TRPV5: variants seen among roughly 807,000 people sequenced by gnomAD.
The protein encoded by TRPV5 is calcium transport protein 2.
In TRPV5, 66 loss-of-function variants were observed where a neutral mutation model predicts 74.1. The observed-to-expected ratio is 0.89, with a 90% CI of 0.73 to 1.09. The LOEUF (loss-of-function observed/expected upper bound fraction) is 1.09, where lower values mean the gene tolerates loss of function less well. TRPV5 is among the 50% of genes least tolerant of loss of function. The pLI, the probability that TRPV5 is intolerant of heterozygous loss-of-function variation, is 0.00. For missense variants in TRPV5, 936 were observed against 930.4 expected, an observed-to-expected ratio of 1.01 and a Z score of -0.08; for synonymous variants, 399 against 360.7, an observed-to-expected ratio of 1.11 and a Z score of -1.20.
chr7:142,927,951 C>T, intron 7 of TRPV5, 137 bp downstream of exon 7: 1 of 1,049,892 alleles, frequency 9.5e-7, no homozygotes, highest in Non-Finnish European at 1.4e-6. Context: ...TCCCCCATGT[C>T]CCAGGAGACT....
chr7:142,931,044 A>T, intron 1 of TRPV5, among the ~76,000 whole-genome samples: 1 of 102,844 alleles, frequency 9.7e-6, no homozygotes, highest in Non-Finnish European at 1.9e-5. Flanking sequence ...TTTTTTTGAG[A>T]CAGAGTCTTG....
At position 142,921,028 on chromosome 7, in the gene TRPV5, G is replaced by T. The variant is rs76239382; in HGVS notation, c.1122+4501C>A. On this transcript the variant is annotated intron_variant, in intron 8 of 14. Coordinates refer to ENST00000265310, the MANE Select transcript of TRPV5 (RefSeq NM_019841.7). ...TGCTGTGCTTGTTCCACCATGAGTT[G>T]GTTAGGACCCCTCAACAAAGTTGTA... Among the ~76,000 whole-genome samples, 570 of 152,232 alleles carry T rather than the reference G, an allele frequency of 3.7e-3. 3 individuals are homozygous for T. Among genetic ancestry groups the T allele is most frequent in the African/African-American group, 0.013 (554 of 41,520 alleles).
chr7:142,930,234 G>A lies in TRPV5; in HGVS notation c.227-54C>T. The A allele has an allele frequency of 1.1e-5, 18 of 1,607,416 alleles. 1 individual carries two copies. The South Asian group carries it at 1.9e-4, about 17-fold the overall frequency. ...ACACTTTTCAGATTCCCTTGAGGAA[G>A]GGGCCTCAGGCTCCAGAGACACCCT... On this transcript the variant is annotated intron_variant, in intron 2 of 14. Coordinates refer to ENST00000265310, the MANE Select transcript of TRPV5 (RefSeq NM_019841.7).
intron 8 of TRPV5, among the ~76,000 whole-genome samples, chr7:142,919,790 G>A (rs994139720): frequency 2.6e-5 from 4 of 152,126 alleles, no homozygotes; most frequent in African/African-American, 9.7e-5. Flanking sequence ...CAGTGCCTGG[G>A]GCACTACTGG....
intron 13 of TRPV5, among the ~76,000 whole-genome samples, chr7:142,911,832 T>C (rs936854668): frequency 1.7e-4 from 26 of 152,182 alleles, no homozygotes; most frequent in Non-Finnish European, 1.6e-4. Flanking sequence ...ATGTGTTCTG[T>C]GATATATGAG....
At chr7:142,913,735 G>A (rs868161445) in intron 12 of TRPV5, among the ~76,000 whole-genome samples, 2 of 152,244 alleles carry the variant, frequency 1.3e-5, no homozygotes, top group Non-Finnish European at 1.5e-5. Flanking sequence ...CCCATTGAAC[G>A]GGAAATCCCT....
Position 142,933,384 on chromosome 7 carries a change from C to G in TRPV5, c.76G>C (p.Glu26Gln). 19 of 1,614,158 alleles carry G rather than the reference C, an allele frequency of 1.2e-5. No individual in the cohort carries two copies. The highest frequency in any genetic ancestry group is 1.6e-5 in the Non-Finnish European group (19 of 1,180,042). ...QKLLPSFLVR[E>Q]QDWDQHLDKL... ...TCCAGGTGCTGGTCCCAGTCTTGTT[C>G]TCTGACCAGAAAGGAGGGCAGAAGT... is the stretch of plus-strand genomic sequence containing the variant. Residue 26 changes from glutamate (E) to glutamine (Q), a missense_variant, in exon 1 of 15, where the codon GAA becomes CAA. Transcript: ENST00000265310.
chr7:142,924,341 TATATATATATAGA>T, intron 8 of TRPV5, among the ~76,000 whole-genome samples: 1 of 12,798 alleles, frequency 7.8e-5, no homozygotes, highest in South Asian at 2.0e-3. Flanking sequence ...TATATACATA[TATATATATATAGA>T]CATATACATG....
chr7:142,930,238 C>T, intron 2 of TRPV5, 58 bp from the exon 3 acceptor site: 2 of 1,607,606 alleles, frequency 1.2e-6, no homozygotes, highest in Non-Finnish European at 8.5e-7. Context: ...GAGGAAGGGG[C>T]CTCAGGCTCC....
rs774386776 is a variant in TRPV5, at chr7:142,925,639, G to A, written c.1012C>T (p.Leu338Phe). The stretch of plus-strand genomic sequence containing the variant: ...CACGTAGTAAAGCAGATCATGTAGA[G>A]CAGGTACAAGGCAGCCAGGATGCAG... ...YFCILAALYL[L>F]YMICFTTCCV... is the part of the protein sequence containing the mutation. The change falls in exon 8 of 15, where the codon CTC becomes TTC. Residue 338 changes from leucine (L) to phenylalanine (F), a missense_variant. Coordinates refer to ENST00000265310, the MANE Select transcript of TRPV5 (RefSeq NM_019841.7). 3.1e-6 allele frequency: 5 copies of A among 1,614,086 alleles called. No homozygotes were observed. The African/African-American group carries it at 5.3e-5, about 17-fold the overall frequency.
chr7:142,931,561 G>C (rs4252389), intron 1 of TRPV5, among the ~76,000 whole-genome samples: 1 of 152,144 alleles, frequency 6.6e-6, no homozygotes, highest in East Asian at 1.9e-4. Flanking sequence ...AGACATATGT[G>C]TATTGGCCCC....
chr7:142,925,456 G>T, intron 8 of TRPV5, 73 bp downstream of exon 8: 1 of 1,530,228 alleles, frequency 6.5e-7, no homozygotes, highest in Non-Finnish European at 9.0e-7. Context: ...TCGTCCCTGA[G>T]TAGCATGGCT....
chr7:142,908,578 AG>A lies in TRPV5; in HGVS notation c.2125del (p.Leu709TrpfsTer4), dbSNP rs1458148113. On this transcript the variant is annotated frameshift_variant, in exon 15 of 15. Coordinates refer to ENST00000265310, the MANE Select transcript of TRPV5 (RefSeq NM_019841.7). LOFTEE classifies it high-confidence loss of function. ...GTTCAGTCCAAGATTCAAGTGCCCC[AG>A]GGTGTTTTGACGAAGGATCTCCCAG... ...RGWEILRQNT[L>X]GHLNLGLNLS... 4 of 1,614,088 alleles carry A rather than the reference AG, an allele frequency of 2.5e-6. No individual in the cohort carries two copies. Among genetic ancestry groups the A allele is most frequent in the Non-Finnish European group, 2.5e-6 (3 of 1,180,050 alleles).
intron 8 of TRPV5, among the ~76,000 whole-genome samples, chr7:142,921,886 T>A (rs115277662): frequency 2.6e-4 from 40 of 152,348 alleles, no homozygotes; most frequent in African/African-American, 7.9e-4. Context: ...GGTGAGGTTA[T>A]TCCTGCCTTG....
In TRPV5 at chr7:142,908,355, G is replaced by A. The variant is rs1795643431; in HGVS notation, c.*159C>T. ...ACCATTGCCCATTGCCAGAAATTCTGATGTGAAGTGTGAGGCATGACCCTT... is the reference window on the plus strand; with the variant it reads ...ACCATTGCCCATTGCCAGAAATTCTAATGTGAAGTGTGAGGCATGACCCTT... On this transcript the variant is annotated 3_prime_UTR_variant, in exon 15 of 15. Transcript: ENST00000265310. 1 of 778,952 alleles carries A rather than the reference G, an allele frequency of 1.3e-6. No individual in the cohort carries two copies. The highest frequency in any genetic ancestry group is 2.0e-6 in the Non-Finnish European group (1 of 489,036). The allele number at this position is 778,952 out of a possible 1,614,324, so 48.3% of individuals were successfully genotyped here.
chr7:142,928,337 A>G, intron 6 of TRPV5, 103 bp from the exon 7 acceptor site: 1 of 1,257,552 alleles, frequency 8.0e-7, no homozygotes, highest in Non-Finnish European at 1.2e-6. Context: ...TGAGACAGAC[A>G]GACAGTGGGA....
Position 142,923,880 on chromosome 7 carries a change from C to T in TRPV5, c.1122+1649G>A, listed in dbSNP as rs147446558. Among the ~76,000 whole-genome samples, 406 of 152,218 alleles carry T rather than the reference C, an allele frequency of 2.7e-3. 1 individual carries two copies. The highest frequency in any genetic ancestry group is 4.4e-3 in the Non-Finnish European group (297 of 68,012). On this transcript the variant is annotated intron_variant, in intron 8 of 14. Transcript: ENST00000265310. The stretch of plus-strand genomic sequence containing the variant: ...ATTGCCCACCTTTTAACCCAGAGTC[C>T]TGTCTACCTTCAAAATGCAGAAAAT...
Position 142,912,833 on chromosome 7 carries a change from C to T in TRPV5, c.1520-83G>A, listed in dbSNP as rs897241600. On this transcript the variant is annotated intron_variant, in intron 12 of 14. Coordinates refer to ENST00000265310, the MANE Select transcript of TRPV5 (RefSeq NM_019841.7). ...TGGACATGGTTAGCACTTATTCTAT[C>T]TCTGATCTATCTATCTATCTATCTA... The T allele has an allele frequency of 4.5e-6, 5 of 1,106,438 alleles. No individual in the cohort carries two copies. The African/African-American group carries it at 7.3e-5, about 16-fold the overall frequency. The allele number at this position is 1,106,438 out of a possible 1,614,324, so 68.5% of individuals were successfully genotyped here. A position where few individuals can be genotyped will look rare whatever the true frequency, so the allele number is the denominator to read the frequency against.
chr7:142,922,004 G>A (rs931681976), intron 8 of TRPV5, among the ~76,000 whole-genome samples: 2 of 152,210 alleles, frequency 1.3e-5, no homozygotes, highest in African/African-American at 4.8e-5. Flanking sequence ...TGGCCTCCCA[G>A]AGGGACCAGG....
Sources: allele counts gnomAD v4.1 joint callset (sites outside exome capture counted in the v4.1 genomes callset), GRCh38; gene constraint gnomAD v4.1.1; transcripts MANE v1.5; gene names NCBI Gene and HGNC (gene_info 2026-07-23, HGNC 2026-07-21).